SMUG1: variants seen among roughly 807,000 people sequenced by gnomAD.
The protein encoded by SMUG1 is single-strand selective monofunctional uracil DNA glycosylase.
Under a neutral mutation model 23.9 loss-of-function variants are expected in SMUG1, and 13 were observed. The ratio of observed to expected loss-of-function variants is 0.54; its 90% confidence interval spans 0.35 to 0.86. The LOEUF (loss-of-function observed/expected upper bound fraction) is 0.86, where lower values mean the gene tolerates loss of function less well. Ranked by LOEUF, SMUG1 falls within the 40% of genes least tolerant of loss-of-function variation. SMUG1 has a pLI of 0.01. For synonymous variants in SMUG1, 133 were observed against 139.8 expected (o/e 0.95, Z 0.34); for missense variants, 313 against 339.5 (o/e 0.92, Z 0.61).
Position 54,174,706 on chromosome 12 carries a change from G to A in SMUG1, c.399-2597C>T, listed in dbSNP as rs374121374. On this transcript the variant is annotated intron_variant and NMD_transcript_variant, in intron 2 of 4. Coordinates refer to the SMUG1 transcript ENST00000509864. Reference sequence around the variant, plus strand: ...TGGCTTGGCACAGGCCACCATGGAGGACTGTTCTGGGCTCTCAGCCATCCC... The same window carrying A: ...TGGCTTGGCACAGGCCACCATGGAGAACTGTTCTGGGCTCTCAGCCATCCC... 6.6e-5 allele frequency among the ~76,000 whole-genome samples: 10 copies of A among 152,372 alleles called. No homozygotes were observed. In the South Asian group the frequency reaches 2.1e-3, roughly 32 times the overall value.
chr12:54,173,593 C>T (rs1940680520), intron 2 of SMUG1, among the ~76,000 whole-genome samples: 1 of 152,228 alleles, frequency 6.6e-6, no homozygotes, highest in African/African-American at 2.4e-5. Context: ...CCAGCCTCAT[C>T]GCCGCGCGGG....
downstream of SMUG1, among the ~76,000 whole-genome samples, chr12:54,176,675 C>T (rs1419604882): frequency 7.4e-5 from 1 of 13,462 alleles, no homozygotes; most frequent in Non-Finnish European, 1.3e-4. Flanking sequence ...GGCGTGGTAG[C>T]GGGCGCCTGT....
downstream of SMUG1, chr12:54,162,241 T>G (rs1940292932): frequency 6.6e-6 from 1 of 152,114 alleles, no homozygotes; most frequent in Non-Finnish European, 1.5e-5. Flanking sequence ...ACCCCTGCAG[T>G]CATATCATAT....
At position 54,182,538 on chromosome 12, in the gene SMUG1, C is replaced by T. The variant is rs1565818470; in HGVS notation, c.371G>A (p.Arg124Gln). 5.0e-6 allele frequency: 8 copies of T among 1,614,120 alleles called. No individual in the cohort carries two copies. The Admixed American group carries it at 5.0e-5, about 10-fold the overall frequency. The change falls in exon 4 of 4, where the codon CGA becomes CAA. Residue 124 changes from arginine (R) to glutamine (Q), a missense_variant. Arg to Gln is a conservative substitution (Grantham distance 43, BLOSUM62 1). Coordinates refer to ENST00000682136, the MANE Select transcript of SMUG1 (RefSeq NM_001243787.2). ...TGGGCACTCCAGTCCCAGCACTGGT[C>T]GTTTAGGATGCTCTTGGGGAGGGGT... ...VLTPPQEHPK[R>Q]PVLGLECPQS...
chr12:54,162,569 A>G (rs1940303883), downstream of SMUG1: 1 of 152,228 alleles, frequency 6.6e-6, no homozygotes, highest in Non-Finnish European at 1.5e-5. Flanking sequence ...AAAACCCAGT[A>G]TGGTAGTCAG....
downstream of SMUG1, among the ~76,000 whole-genome samples, chr12:54,176,678 G>GCAAA (rs1351184615): frequency 6.6e-6 from 1 of 150,846 alleles, no homozygotes; most frequent in African/African-American, 2.4e-5. Flanking sequence ...GTGGTAGCGG[G>GCAAA]CGCCTGTAGT....
downstream of SMUG1, among the ~76,000 whole-genome samples, chr12:54,161,243 G>A (rs1342974873): frequency 2.6e-5 from 4 of 151,916 alleles, no homozygotes; most frequent in Middle Eastern, 3.4e-3. This position sits in a 1 kb window ranked among gnomAD's most constrained non-coding sequence, Gnocchi z 4.2. Flanking sequence ...TGTGTTTCTC[G>A]GCGCGCAAAG....
At position 54,182,515 on chromosome 12, in the gene SMUG1, G is replaced by T; in HGVS notation, c.394C>A (p.Pro132Thr). The T allele has an allele frequency of 6.2e-7, 1 of 1,614,172 alleles. No homozygotes were observed. Among genetic ancestry groups the T allele is most frequent in the Non-Finnish European group, 8.5e-7 (1 of 1,180,046 alleles). ...PKRPVLGLECPQSEVSGARFW... is the reference protein window; with the variant it reads ...PKRPVLGLECTQSEVSGARFW... ...CGGGCACCACTCACTTCTGACTGTG[G>T]GCACTCCAGTCCCAGCACTGGTCGT... The change falls in exon 4 of 4, where the codon CCA becomes ACA. Residue 132 changes from proline (P) to threonine (T), a missense_variant. Transcript: ENST00000682136.
In SMUG1 at chr12:54,188,304, T is replaced by TAATA. The variant is rs1565845084; in HGVS notation, c.-103-406_-103-403dup. 3.5e-3 allele frequency among the ~76,000 whole-genome samples: 427 copies of TAATA among 122,158 alleles called. 1 individual carries two copies. The highest frequency in any genetic ancestry group is 0.014 in the African/African-American group (403 of 29,750). 80.1% of individuals were successfully genotyped at this position (122,158 alleles called of 152,430 possible). On this transcript the variant is annotated intron_variant, in intron 1 of 3. Coordinates refer to ENST00000682136, the MANE Select transcript of SMUG1 (RefSeq NM_001243787.2). ...TAATAATAATAATAATAAATAATAA[T>TAATA]AATAATAATAATAATAATAATAATA... is the stretch of plus-strand genomic sequence containing the variant.
intron 2 of SMUG1, chr12:54,172,395 G>A (rs939791922): frequency 1.2e-5 from 3 of 248,726 alleles, no homozygotes; most frequent in African/African-American, 6.6e-5. Context: ...TGTATGCCAC[G>A]TAGCATCTGC....
Position 54,182,412 on chromosome 12 carries a change from G to A in SMUG1, c.497C>T (p.Pro166Leu). 6.2e-7 allele frequency: 1 copy of A among 1,614,228 alleles called. No homozygotes were observed. Among genetic ancestry groups the A allele is most frequent in the Non-Finnish European group, 8.5e-7 (1 of 1,180,046 alleles). ...CCCGCTGGGAGCCAGGAAAAGCAGA[G>A]GGCATAGATTGTGGACAAAACAGTG... ...FHHCFVHNLC[P>L]LLFLAPSGRN... Residue 166 changes from proline to leucine, a missense_variant, in exon 4 of 4, where the codon CCT becomes CTT. Physicochemically the swap from Pro to Leu is moderately conservative, Grantham distance 98. Transcript: ENST00000682136.
chr12:54,181,573 T>C lies in SMUG1; in HGVS notation c.*523A>G. On this transcript the variant is annotated 3_prime_UTR_variant, in exon 4 of 4. Transcript: ENST00000682136. ...TGACTTGCACTCTGTCACACTGGAT[T>C]TTTCCTCTGATCCAGCTGCAGCCTC... 6.4e-7 allele frequency: 1 copy of C among 1,558,966 alleles called. No individual in the cohort carries two copies.
chr12:54,177,833 AGTTT>A (rs1406631458), downstream of SMUG1, among the ~76,000 whole-genome samples: 2 of 152,136 alleles, frequency 1.3e-5, no homozygotes, highest in East Asian at 1.9e-4. Context: ...TAAGTACCCT[AGTTT>A]GTTTATGGTT....
At chr12:54,166,278 T>A (rs1940461531) in intron 3 of SMUG1, among the ~76,000 whole-genome samples, 1 of 152,186 alleles carries the variant, frequency 6.6e-6, no homozygotes, top group Non-Finnish European at 1.5e-5. Flanking sequence ...GGAGAATTGC[T>A]TGAACCTGGG....
At chr12:54,164,169 C>A (rs1422322081), downstream of SMUG1, among the ~76,000 whole-genome samples, 2 of 150,414 alleles carry the variant, frequency 1.3e-5, no homozygotes, top group African/African-American at 4.9e-5. Flanking sequence ...GGGGATGCCA[C>A]AGAGATGGAG....
chr12:54,179,171 G>A (rs978284443), downstream of SMUG1, among the ~76,000 whole-genome samples: 13 of 152,252 alleles, frequency 8.5e-5, no homozygotes, highest in Non-Finnish European at 1.3e-4. Flanking sequence ...GACTCGGACT[G>A]AGCCACTACT....
At chr12:54,169,693 G>T (rs1302489820) in intron 3 of SMUG1, among the ~76,000 whole-genome samples, 1 of 152,160 alleles carries the variant, frequency 6.6e-6, no homozygotes, top group Non-Finnish European at 1.5e-5. Flanking sequence ...TTTCTTGAGG[G>T]CAAAAATTGC....
chr12:54,162,673 A>T (rs1256788488), downstream of SMUG1: 1 of 152,246 alleles, frequency 6.6e-6, no homozygotes, highest in Non-Finnish European at 1.5e-5. Context: ...GGCACTCAGC[A>T]TCGGGAGATG....
In SMUG1 at chr12:54,181,424, A is replaced by C. The variant is rs1048600528; in HGVS notation, c.*672T>G. On this transcript the variant is annotated 3_prime_UTR_variant, in exon 4 of 4. Coordinates refer to ENST00000682136, the MANE Select transcript of SMUG1 (RefSeq NM_001243787.2). ...TCAAGTGTGATCTCAGTTAATCCTCACACCAACCCCATAAGGTAGGCATCC... is the reference window on the plus strand; with the variant it reads ...TCAAGTGTGATCTCAGTTAATCCTCCCACCAACCCCATAAGGTAGGCATCC... 4.8e-6 allele frequency: 4 copies of C among 831,166 alleles called. No homozygotes were observed. Among genetic ancestry groups the C allele is most frequent in the Non-Finnish European group, 7.6e-6 (4 of 527,472 alleles). 51.5% of individuals were successfully genotyped at this position (831,166 alleles called of 1,614,324 possible).
Sources: gnomAD v4.1 joint callset for allele counts (sites outside exome capture counted in the v4.1 genomes callset) on GRCh38, gnomAD v4.1.1 for gene constraint, Gnocchi (gnomAD v3.1) non-coding constraint, MANE v1.5 for transcripts, NCBI Gene and HGNC (gene_info 2026-07-23, HGNC 2026-07-21) for gene names.